Variants in RAD54B observed in about 807,000 individuals in gnomAD.
RAD54B encodes the protein DNA repair and recombination protein RAD54B.
A neutral mutation model predicts 95.8 loss-of-function variants in RAD54B; 78 were observed. That is an observed-to-expected ratio of 0.81 (90% CI 0.68 to 0.98). RAD54B has a LOEUF of 0.98. Ranked by LOEUF, RAD54B falls within the 50% of genes least tolerant of loss-of-function variation. The probability of loss-of-function intolerance (pLI) is 0.00; values close to 1 mark genes in which losing one functional copy is unlikely to be tolerated. For missense variants in RAD54B, 957 were observed against 1,056.6 expected, an observed-to-expected ratio of 0.91 and a Z score of 1.31; for synonymous variants, 328 against 354.9, an observed-to-expected ratio of 0.92 and a Z score of 0.85.
intron 3 of RAD54B, among the ~76,000 whole-genome samples, chr8:94,452,070 A>T (rs1390879265): frequency 6.6e-6 from 1 of 152,196 alleles, no homozygotes; most frequent in Non-Finnish European, 1.5e-5. Context: ...TCTGGTTCAT[A>T]GATGGCACTG....
intron 3 of RAD54B, among the ~76,000 whole-genome samples, chr8:94,456,703 C>T (rs969931784): frequency 6.6e-6 from 1 of 152,124 alleles, no homozygotes; most frequent in African/African-American, 2.4e-5. Context: ...TAGTTCATTT[C>T]AAGGTGGATT....
intron 3 of RAD54B, among the ~76,000 whole-genome samples, chr8:94,414,714 C>A (rs1811613303): frequency 6.6e-6 from 1 of 152,114 alleles, no homozygotes; most frequent in Non-Finnish European, 1.5e-5. Flanking sequence ...CATTCTTATA[C>A]ACCAATAACA....
chr8:94,458,872 A>G (rs1812837313), intron 2 of RAD54B, among the ~76,000 whole-genome samples: 1 of 152,184 alleles, frequency 6.6e-6, no homozygotes, highest in Non-Finnish European at 1.5e-5. Flanking sequence ...ATCTAAAAAA[A>G]AAAAATTAAC....
At chr8:94,418,894 G>C (rs780783468) in intron 3 of RAD54B, among the ~76,000 whole-genome samples, 1 of 152,042 alleles carries the variant, frequency 6.6e-6, no homozygotes, top group Non-Finnish European at 1.5e-5. Context: ...AACTTTTTCT[G>C]TGAATTCATC....
At chr8:94,390,115 G>A (rs1240909613) in intron 10 of RAD54B, among the ~76,000 whole-genome samples, 3 of 151,864 alleles carry the variant, frequency 2.0e-5, no homozygotes, top group Admixed American at 6.6e-5. Flanking sequence ...TGAGGTGGGA[G>A]GATCACTTGA....
chr8:94,470,221 G>A (rs1437816548), intron 1 of RAD54B, among the ~76,000 whole-genome samples: 1 of 152,202 alleles, frequency 6.6e-6, no homozygotes, highest in African/African-American at 2.4e-5. Context: ...AGCACTTCAG[G>A]AGGCCGAGGC....
intron 13 of RAD54B, 72 bp from the exon 14 acceptor site, chr8:94,378,452 G>C (rs181163125): frequency 6.9e-7 from 1 of 1,446,944 alleles, no homozygotes; most frequent in Admixed American, 2.0e-5. Context: ...ATAATGTTTA[G>C]TAACATACTA....
chr8:94,419,306 G>A (rs917982910), intron 3 of RAD54B, among the ~76,000 whole-genome samples: 7 of 152,100 alleles, frequency 4.6e-5, no homozygotes, highest in African/African-American at 7.2e-5. Context: ...TCAGCAGTTC[G>A]AGACCAGCCT....
chr8:94,429,945 C>A (rs76538118), intron 3 of RAD54B: 42,628 of 985,282 alleles, frequency 0.043, 980 homozygotes, highest in Non-Finnish European at 0.047. Flanking sequence ...TCCTAAATCA[C>A]AACTATAATC....
chr8:94,456,575 G>A (rs546622399), intron 3 of RAD54B, among the ~76,000 whole-genome samples: 103 of 152,300 alleles, frequency 6.8e-4, no homozygotes, highest in African/African-American at 2.4e-3. Context: ...TTAGTAACTG[G>A]TGAGTTTAGG....
At chr8:94,436,016 G>A (rs1296520125) in intron 3 of RAD54B, among the ~76,000 whole-genome samples, 1 of 151,802 alleles carries the variant, frequency 6.6e-6, no homozygotes, top group Non-Finnish European at 1.5e-5. Flanking sequence ...GTTTATATTT[G>A]TTAGTTAACA....
At position 94,395,312 on chromosome 8, in the gene RAD54B, G is replaced by A. The variant is rs1462221235; in HGVS notation, c.1379-1430C>T. Among the ~76,000 whole-genome samples, 3 of 152,134 alleles carry A rather than the reference G, an allele frequency of 2.0e-5. No homozygotes were observed. In the East Asian group the frequency reaches 5.8e-4, roughly 29 times the overall value. On this transcript the variant is annotated intron_variant, in intron 8 of 14. Transcript: ENST00000336148. ...CAGGAGAAAGGGAATAATGGAATCA[G>A]AAAATGGTAGGGGAAGAAACTAAGC...
chr8:94,383,099 C>A (rs1170692580), intron 11 of RAD54B, among the ~76,000 whole-genome samples: 1 of 151,882 alleles, frequency 6.6e-6, no homozygotes, highest in East Asian at 1.9e-4. Flanking sequence ...GAGTTTGAGA[C>A]CAACCTGGGC....
chr8:94,422,604 AAAAAAAAAAAAAAATAT>A (rs1233046313), intron 3 of RAD54B, among the ~76,000 whole-genome samples: 1 of 99,344 alleles, frequency 1.0e-5, no homozygotes, highest in Non-Finnish European at 1.9e-5. Context: ...AAAAAAAAAA[AAAAAAAAAAAAAAATAT>A]ATATATATAT....
intron 5 of RAD54B, among the ~76,000 whole-genome samples, chr8:94,406,638 G>C (rs541931716): frequency 3.9e-5 from 6 of 152,260 alleles, no homozygotes; most frequent in South Asian, 4.1e-4. Flanking sequence ...GATCTCAAAG[G>C]CCTCTTTACT....
intron 5 of RAD54B, among the ~76,000 whole-genome samples, chr8:94,406,636 A>T (rs1172742874): frequency 6.6e-6 from 1 of 152,208 alleles, no homozygotes; most frequent in East Asian, 1.9e-4. Context: ...ATGATCTCAA[A>T]GGCCTCTTTA....
At chr8:94,473,050 A>ACATTT (rs112605034) in intron 1 of RAD54B, among the ~76,000 whole-genome samples, 62,578 of 151,584 alleles carry the variant, frequency 0.41, 13,078 homozygotes, top group Admixed American at 0.51. Context: ...ATTTGTTGAT[A>ACATTT]CAAAGTAAAA....
intron 3 of RAD54B, among the ~76,000 whole-genome samples, chr8:94,442,776 C>T (rs1812433586): frequency 6.6e-6 from 1 of 151,982 alleles, no homozygotes; most frequent in Non-Finnish European, 1.5e-5. Flanking sequence ...CTTAGGACCC[C>T]AAACTCATTA....
intron 3 of RAD54B, among the ~76,000 whole-genome samples, chr8:94,426,878 G>T (rs1345974353): frequency 2.0e-5 from 3 of 152,104 alleles, no homozygotes; most frequent in Non-Finnish European, 4.4e-5. Context: ...AATAAATAGT[G>T]AACTCTAGTA....
Sources: gnomAD v4.1 joint callset for allele counts (sites outside exome capture counted in the v4.1 genomes callset) on GRCh38, gnomAD v4.1.1 for gene constraint, MANE v1.5 for transcripts, NCBI Gene and HGNC (gene_info 2026-07-23, HGNC 2026-07-21) for gene names.